BPTF: variants seen among roughly 807,000 people sequenced by gnomAD.
The protein encoded by BPTF is bromodomain PHD finger transcription factor, also known as nucleosome-remodeling factor subunit BPTF.
BPTF carries 18 observed loss-of-function variants against 292.5 expected under a neutral mutation model. The observed-to-expected ratio is 0.06, with a 90% CI of 0.04 to 0.09. The LOEUF (loss-of-function observed/expected upper bound fraction) is 0.09, where lower values mean the gene tolerates loss of function less well. Ranked by LOEUF, BPTF falls within the 10% of genes least tolerant of loss-of-function variation. BPTF has a pLI of 1.00. For missense variants in BPTF, 2,726 were observed against 3,498.7 expected (o/e 0.78, Z 5.57); for synonymous variants, 1,225 against 1,251.9 (o/e 0.98, Z 0.45).
intron 7 of BPTF, among the ~76,000 whole-genome samples, chr17:67,896,623 T>C (rs1250827419): frequency 6.6e-6 from 1 of 152,244 alleles, no homozygotes; most frequent in Non-Finnish European, 1.5e-5. Context: ...TGTTACAGTA[T>C]TGTTTAGGGA....
chr17:67,945,182 T>C (rs1305603022), intron 20 of BPTF, among the ~76,000 whole-genome samples: 1 of 152,088 alleles, frequency 6.6e-6, no homozygotes, highest in Admixed American at 6.6e-5. Flanking sequence ...ACCATAGCCA[T>C]GCTCCACTAT....
At chr17:67,838,408 T>G (rs1384421821) in intron 1 of BPTF, among the ~76,000 whole-genome samples, 1 of 152,262 alleles carries the variant, frequency 6.6e-6, no homozygotes, top group Non-Finnish European at 1.5e-5. Context: ...GTAGAACATT[T>G]AGAAAACCCA....
Position 67,893,432 on chromosome 17 carries a change from G to A in BPTF, c.2118G>A (p.Met706Ile). The change falls in exon 6 of 28, where the codon ATG becomes ATA. Residue 706 changes from methionine (M) to isoleucine (I), a missense_variant. Met to Ile is a conservative substitution (Grantham distance 10). This residue lies in a region of BPTF where 63 missense variants were observed against 84.1 expected (regional missense o/e 0.75). Transcript: ENST00000306378. ...SRLSTKKEVI[M>I]KGNINNYFKL... ...TGAGCACCAAAAAGGAAGTGATCAT[G>A]AAAGGAAATATCAACAATTATTTTA... 6.2e-7 allele frequency: 1 copy of A among 1,614,174 alleles called. No homozygotes were observed. The highest frequency in any genetic ancestry group is 8.5e-7 in the Non-Finnish European group (1 of 1,180,028).
chr17:67,945,594 C>G lies in BPTF; in HGVS notation c.6886C>G (p.Gln2296Glu). 1 of 1,612,222 alleles carries G rather than the reference C, an allele frequency of 6.2e-7. No individual in the cohort carries two copies. The highest frequency in any genetic ancestry group is 8.5e-7 in the Non-Finnish European group (1 of 1,179,116). Reference sequence around the variant, plus strand: ...CCCAGCTCAGCCTGAAGTTCAGACTCAGCCTGAAGTTCAGACCCAAACAAC... The same window carrying G: ...CCCAGCTCAGCCTGAAGTTCAGACTGAGCCTGAAGTTCAGACCCAAACAAC... ...QSPAQPEVQTQPEVQTQTTVS... is the reference protein window; with the variant it reads ...QSPAQPEVQTEPEVQTQTTVS... Residue 2296 changes from glutamine to glutamate, a missense_variant, in exon 21 of 28, where the codon CAG becomes GAG. By Grantham distance (29) the Gln-to-Glu change is conservative (BLOSUM62 2). Transcript: ENST00000306378.
chr17:67,976,026 C>T (rs1485583072), intron 27 of BPTF, 68 bp downstream of exon 27: 47 of 1,272,934 alleles, frequency 3.7e-5, no homozygotes, highest in Non-Finnish European at 4.7e-5. Context: ...TTCTGTCTAA[C>T]GATTCAACCA....
At chr17:67,971,018 A>G (rs1334228250) in intron 26 of BPTF, among the ~76,000 whole-genome samples, 1 of 152,198 alleles carries the variant, frequency 6.6e-6, no homozygotes, top group African/African-American at 2.4e-5. Flanking sequence ...AGCTGACTGC[A>G]TCCTCGTCCT....
intron 24 of BPTF, among the ~76,000 whole-genome samples, chr17:67,962,091 C>T (rs1369166217): frequency 5.3e-5 from 8 of 152,102 alleles, no homozygotes; most frequent in African/African-American, 1.9e-4. Flanking sequence ...TGCAGGGGGC[C>T]GTGATCCTGC....
chr17:67,945,646 C>G lies in BPTF; in HGVS notation c.6938C>G (p.Ala2313Gly), dbSNP rs1555674455. Residue 2313 changes from alanine to glycine, a missense_variant, in exon 21 of 28, where the codon GCA (alanine) becomes GGA (glycine). By Grantham distance (60) the Ala-to-Gly change is moderately conservative. Around this residue, in one of 22 missense-constraint regions of BPTF, gnomAD observed 570 missense variants for 633.5 expected, o/e 0.90. Transcript: ENST00000306378. ...TTVSSHVPSE[A>G]QPTHAQSSKP... ...GTTTCATCCCATGTCCCTTCTGAAGCACAACCCACCCACGCACAGTCATCC... is the reference window on the plus strand; with the variant it reads ...GTTTCATCCCATGTCCCTTCTGAAGGACAACCCACCCACGCACAGTCATCC... 1.2e-6 allele frequency: 2 copies of G among 1,614,028 alleles called. No individual in the cohort carries two copies. The highest frequency in any genetic ancestry group is 2.2e-5 in the East Asian group (1 of 44,868).
intron 7 of BPTF, among the ~76,000 whole-genome samples, chr17:67,896,454 G>A (rs992440562): frequency 1.4e-5 from 1 of 73,200 alleles, no homozygotes; most frequent in African/African-American, 3.2e-5. Context: ...TACGGGTAAT[G>A]AGTAACTAGA....
intron 26 of BPTF, among the ~76,000 whole-genome samples, chr17:67,969,185 G>A (rs1555689330): frequency 6.6e-6 from 1 of 151,092 alleles, no homozygotes; most frequent in Non-Finnish European, 1.5e-5. Flanking sequence ...AGTGGCTCAT[G>A]CCTATAATCC....
intron 1 of BPTF, among the ~76,000 whole-genome samples, chr17:67,842,619 A>G (rs1018030204): frequency 6.6e-6 from 1 of 152,312 alleles, no homozygotes; most frequent in African/African-American, 2.4e-5. Context: ...AAACGAGACA[A>G]AGATTTTTTG....
intron 26 of BPTF, among the ~76,000 whole-genome samples, chr17:67,972,599 A>G (rs2068887196): frequency 6.6e-6 from 1 of 152,094 alleles, no homozygotes; most frequent in South Asian, 2.1e-4. Context: ...ATTTTTTGGC[A>G]TATGGTAGTT....
intron 7 of BPTF, among the ~76,000 whole-genome samples, chr17:67,901,670 T>C (rs2061852480): frequency 6.6e-6 from 1 of 152,222 alleles, no homozygotes; most frequent in African/African-American, 2.4e-5. Flanking sequence ...AAATGATTAC[T>C]TCTCTCATAA....
chr17:67,885,583 C>T (rs554886054), intron 4 of BPTF, among the ~76,000 whole-genome samples: 1 of 152,198 alleles, frequency 6.6e-6, no homozygotes, highest in South Asian at 2.1e-4. Flanking sequence ...GAGTGAGACT[C>T]CATCTTAAAA....
chr17:67,840,295 T>G (rs1024618844), intron 1 of BPTF, among the ~76,000 whole-genome samples: 3 of 151,946 alleles, frequency 2.0e-5, no homozygotes, highest in African/African-American at 7.2e-5. Context: ...TTTGTAGAGA[T>G]AGGGTTTCAT....
chr17:67,955,451 G>T (rs1353747162), intron 23 of BPTF: 1 of 152,060 alleles, frequency 6.6e-6, no homozygotes, highest in Non-Finnish European at 1.5e-5. Flanking sequence ...TTGGCAGGGG[G>T]GAATCAGGTT....
intron 27 of BPTF, among the ~76,000 whole-genome samples, chr17:67,980,348 GAA>G (rs2070193079): frequency 1.3e-5 from 2 of 151,990 alleles, no homozygotes; most frequent in Admixed American, 1.3e-4. Context: ...ATCTCAAAAA[GAA>G]AAATACATCT....
chr17:67,944,440 A>T, intron 20 of BPTF, 68 bp downstream of exon 20: 1 of 1,529,072 alleles, frequency 6.5e-7, no homozygotes, highest in South Asian at 1.2e-5. Context: ...ACAGAGGCCA[A>T]CAGGAGAACC....
chr17:67,926,745 CT>C (rs775299001), intron 15 of BPTF, among the ~76,000 whole-genome samples: 3 of 150,420 alleles, frequency 2.0e-5, no homozygotes, highest in African/African-American at 4.9e-5. Flanking sequence ...TCTTTGCCTC[CT>C]TTTTTTTTAG....
Sources: allele counts gnomAD v4.1 joint callset (sites outside exome capture counted in the v4.1 genomes callset), GRCh38; gene constraint gnomAD v4.1.1; regional missense constraint gnomAD v4.1.1; transcripts MANE v1.5; gene names NCBI Gene and HGNC (gene_info 2026-07-23, HGNC 2026-07-21).